Variants in NIBAN1 observed in about 807,000 individuals in gnomAD.
The protein encoded by NIBAN1 is protein Niban 1.
In NIBAN1, 81 loss-of-function variants were observed where a neutral mutation model predicts 75.1. The ratio of observed to expected loss-of-function variants is 1.08; its 90% CI spans 0.90 to 1.30. The LOEUF (loss-of-function observed/expected upper bound fraction) is 1.30. Among genes scored for constraint, NIBAN1 ranks in the 50% most tolerant of loss-of-function variants. The pLI is 0.00. For synonymous variants in NIBAN1, 436 were observed against 424.8 expected, an observed-to-expected ratio of 1.03 and a Z score of -0.32; for missense variants, 1,133 against 1,128.1, an observed-to-expected ratio of 1.00 and a Z score of -0.06.
chr1:184,911,408 G>A (rs1657237775), intron 1 of NIBAN1, among the ~76,000 whole-genome samples: 1 of 152,144 alleles, frequency 6.6e-6, no homozygotes, highest in East Asian at 1.9e-4. Flanking sequence ...CATCCCAGTT[G>A]GCAGAGGTTG....
chr1:184,838,373 A>C (rs960816870), intron 5 of NIBAN1, among the ~76,000 whole-genome samples: 1 of 152,148 alleles, frequency 6.6e-6, no homozygotes, highest in Non-Finnish European at 1.5e-5. Flanking sequence ...TTTCTGGCCA[A>C]CTCAACGATA....
rs1279549880 is a variant in NIBAN1, at chr1:184,911,957, C to G, written c.56-12648G>C. 2.6e-5 allele frequency among the ~76,000 whole-genome samples: 4 copies of G among 152,002 alleles called. No homozygotes were observed. The East Asian group carries it at 7.7e-4, about 29-fold the overall frequency. ...AAAATACTACAGCTACATTTGCAAC[C>G]CCCTCTACCCTGCCCCACAACATCA... On this transcript the variant is annotated intron_variant, in intron 1 of 13. Coordinates refer to ENST00000367511, the MANE Select transcript of NIBAN1 (RefSeq NM_052966.4).
intron 1 of NIBAN1, among the ~76,000 whole-genome samples, chr1:184,918,091 A>G (rs867022046): frequency 2.0e-5 from 3 of 152,032 alleles, no homozygotes. Flanking sequence ...GAAAGTCCTG[A>G]CAGGCACTTC....
At chr1:184,916,527 C>A (rs1285843385) in intron 1 of NIBAN1, among the ~76,000 whole-genome samples, 3 of 151,938 alleles carry the variant, frequency 2.0e-5, no homozygotes, top group Non-Finnish European at 4.4e-5. Flanking sequence ...CCCTTTATTC[C>A]CCTTGAATAA....
chr1:184,912,791 A>G (rs1261421068), intron 1 of NIBAN1, among the ~76,000 whole-genome samples: 1 of 152,202 alleles, frequency 6.6e-6, no homozygotes, highest in Non-Finnish European at 1.5e-5. Flanking sequence ...GCTTTTTCAT[A>G]GAGTCTCAGA....
At chr1:184,899,125 C>T in intron 2 of NIBAN1, 54 bp downstream of exon 2, 1 of 1,595,630 alleles carries the variant, frequency 6.3e-7, no homozygotes, top group Non-Finnish European at 8.6e-7. Context: ...TACGGCTGTG[C>T]TATATAGCCT....
chr1:184,902,087 G>T (rs564973167), intron 1 of NIBAN1, among the ~76,000 whole-genome samples: 1 of 152,102 alleles, frequency 6.6e-6, no homozygotes, highest in Non-Finnish European at 1.5e-5. Flanking sequence ...GGCAGGGGAC[G>T]GTCTGGCTTG....
chr1:184,903,868 T>C (rs186817431), intron 1 of NIBAN1, among the ~76,000 whole-genome samples: 66 of 150,754 alleles, frequency 4.4e-4, no homozygotes, highest in African/African-American at 1.5e-3. Context: ...TCCTGAGTAG[T>C]TGGGACCACA....
chr1:184,913,268 C>T (rs1312431731), intron 1 of NIBAN1, among the ~76,000 whole-genome samples: 2 of 151,542 alleles, frequency 1.3e-5, no homozygotes, highest in Admixed American at 1.3e-4. Flanking sequence ...TAAAAATGGA[C>T]ACATTGACCT....
intron 1 of NIBAN1, among the ~76,000 whole-genome samples, chr1:184,960,151 T>C (rs1416710615): frequency 6.6e-6 from 1 of 152,224 alleles, no homozygotes; most frequent in African/African-American, 2.4e-5. Context: ...ATATCTGACA[T>C]ATACATGCTT....
intron 1 of NIBAN1, among the ~76,000 whole-genome samples, chr1:184,928,875 T>C (rs1324148503): frequency 6.6e-6 from 1 of 152,114 alleles, no homozygotes; most frequent in Non-Finnish European, 1.5e-5. Context: ...GGGAGGAAAA[T>C]CGCTGGAGGC....
chr1:184,942,149 C>T (rs550638776), intron 1 of NIBAN1, among the ~76,000 whole-genome samples: 1 of 152,282 alleles, frequency 6.6e-6, no homozygotes, highest in African/African-American at 2.4e-5. Flanking sequence ...AATTATTGAT[C>T]TGAAGAATAA....
intron 1 of NIBAN1, among the ~76,000 whole-genome samples, chr1:184,908,119 G>T (rs1482662956): frequency 2.6e-5 from 4 of 152,252 alleles, no homozygotes; most frequent in South Asian, 2.1e-4. Flanking sequence ...CCTCATAGAG[G>T]TCCCAAATTC....
chr1:184,923,145 A>C (rs1365807913), intron 1 of NIBAN1, among the ~76,000 whole-genome samples: 1 of 152,208 alleles, frequency 6.6e-6, no homozygotes, highest in Non-Finnish European at 1.5e-5. Flanking sequence ...TGCTCCGTCC[A>C]ATGTCCTAGA....
intron 1 of NIBAN1, among the ~76,000 whole-genome samples, chr1:184,915,589 A>G (rs1657364971): frequency 6.6e-6 from 1 of 152,172 alleles, no homozygotes; most frequent in Admixed American, 6.5e-5. Context: ...GAATAGAATA[A>G]TATATAAGGT....
chr1:184,877,605 A>C (rs116144221), intron 5 of NIBAN1, among the ~76,000 whole-genome samples: 7 of 152,206 alleles, frequency 4.6e-5, no homozygotes, highest in African/African-American at 1.4e-4. Flanking sequence ...CAATAACAAC[A>C]GATGAGAATT....
chr1:184,974,278 A>T lies in NIBAN1; in HGVS notation c.55+24T>A, dbSNP rs765416455. 5 of 1,547,340 alleles carry T rather than the reference A, an allele frequency of 3.2e-6. No individual in the cohort carries two copies. In the East Asian group the frequency reaches 1.2e-4, roughly 38 times the overall value. On this transcript the variant is annotated intron_variant, in intron 1 of 13. Transcript: ENST00000367511. ...TGGTGCACGGGTCAGGGTGCTCCCC[A>T]GGCCCCCGGGCGGGCGGGCGTACCT...
At chr1:184,802,327 G>C (rs1281510220) in intron 12 of NIBAN1, among the ~76,000 whole-genome samples, 1 of 152,070 alleles carries the variant, frequency 6.6e-6, no homozygotes, top group Non-Finnish European at 1.5e-5. Flanking sequence ...CCGATGAGAA[G>C]GAGAACTCTC....
At chr1:184,911,031 A>G (rs1215148966) in intron 1 of NIBAN1, among the ~76,000 whole-genome samples, 2 of 151,940 alleles carry the variant, frequency 1.3e-5, no homozygotes, top group Non-Finnish European at 2.9e-5. Flanking sequence ...GTCAGTCTCC[A>G]TAATTGTGTG....
Sources: allele counts gnomAD v4.1 joint callset (sites outside exome capture counted in the v4.1 genomes callset), GRCh38; gene constraint gnomAD v4.1.1; transcripts MANE v1.5; gene names NCBI Gene and HGNC (gene_info 2026-07-23, HGNC 2026-07-21).